UGT2B7: variants seen among roughly 807,000 people sequenced by gnomAD.
UGT2B7 encodes UDP-glucuronosyltransferase 2B7.
Under a neutral mutation model 51.9 loss-of-function variants are expected in UGT2B7, and 51 were observed. That is an observed-to-expected ratio of 0.98 (90% CI 0.78 to 1.24). The LOEUF (loss-of-function observed/expected upper bound fraction) is 1.24. Ranked by LOEUF, UGT2B7 falls within the 50% of genes most tolerant of loss-of-function variation. UGT2B7 has a pLI of 0.00. For synonymous variants in UGT2B7, 225 were observed against 211.6 expected (o/e 1.06, Z -0.55); for missense variants, 727 against 628.4 (o/e 1.16, Z -1.68).
In UGT2B7 at chr4:69,097,148, A is replaced by T. The variant is rs1290815458; in HGVS notation, c.628A>T (p.Arg210Trp). ...AACTGATCAAATGACTTTCATGGAGAGGGTAAAAAATATGATCTATGTGCT... is the reference window on the plus strand; with the variant it reads ...AACTGATCAAATGACTTTCATGGAGTGGGTAAAAAATATGATCTATGTGCT... ...ELTDQMTFME[R>W]VKNMIYVLYF... Residue 210 changes from arginine (R) to tryptophan (W), a missense_variant, in exon 1 of 6, where the codon AGG becomes TGG. By Grantham distance (101) the Arg-to-Trp change is moderately radical (BLOSUM62 -3). Coordinates refer to ENST00000305231, the MANE Select transcript of UGT2B7 (RefSeq NM_001074.4). The T allele has an allele frequency of 6.2e-7, 1 of 1,613,450 alleles. No homozygotes were observed. Among genetic ancestry groups the T allele is most frequent in the Non-Finnish European group, 8.5e-7 (1 of 1,179,634 alleles).
chr4:69,084,330 T>TTCTCTCTCTCTCTCTCTCTCTCTC (rs71204073), intron 1 of UGT2B7, among the ~76,000 whole-genome samples: 1,693 of 148,178 alleles, frequency 0.011, 41 homozygotes, highest in African/African-American at 0.036. Flanking sequence ...TCTATAAATT[T>TTCTCTCTCTCTCTCTCTCTCTCTC]TCTCTCTCTC....
intron 1 of UGT2B7, among the ~76,000 whole-genome samples, chr4:69,079,151 C>T (rs1215426172): frequency 6.6e-6 from 1 of 152,118 alleles, no homozygotes; most frequent in Non-Finnish European, 1.5e-5. Flanking sequence ...GCCCATCTGG[C>T]TAACAGCAGC....
chr4:69,079,748 C>T (rs1012687112), intron 1 of UGT2B7, among the ~76,000 whole-genome samples: 11 of 152,012 alleles, frequency 7.2e-5, no homozygotes, highest in African/African-American at 2.4e-4. Flanking sequence ...CGGATAGGGT[C>T]AAGTTTCTCA....
intron 1 of UGT2B7, among the ~76,000 whole-genome samples, chr4:69,072,322 C>T (rs1718619031): frequency 2.6e-5 from 4 of 152,050 alleles, no homozygotes; most frequent in Admixed American, 2.6e-4. Flanking sequence ...CATTCTTCAT[C>T]CTCATGAAAA....
At chr4:69,067,189 C>T (rs1416616660) in intron 1 of UGT2B7, among the ~76,000 whole-genome samples, 3 of 152,152 alleles carry the variant, frequency 2.0e-5, no homozygotes, top group Admixed American at 1.3e-4. Flanking sequence ...TCTCAAGACA[C>T]ATACCACATC....
chr4:69,073,415 T>C (rs1718640576), intron 1 of UGT2B7, among the ~76,000 whole-genome samples: 1 of 152,196 alleles, frequency 6.6e-6, no homozygotes, highest in Non-Finnish European at 1.5e-5. Context: ...CTATAGATTC[T>C]TCTTGGTATA....
upstream of UGT2B7, chr4:69,096,463 C>T: frequency 6.2e-7 from 1 of 1,606,594 alleles, no homozygotes; most frequent in East Asian, 2.2e-5. Flanking sequence ...TTGGACATAA[C>T]CATGAGAAAT....
chr4:69,057,105 C>T (rs1362944193), intron 1 of UGT2B7, among the ~76,000 whole-genome samples: 4 of 152,194 alleles, frequency 2.6e-5, no homozygotes, highest in Non-Finnish European at 4.4e-5. Context: ...TGTTCTGTTT[C>T]TCTCTGACCA....
At chr4:69,106,479 A>T (rs1331741419) in intron 3 of UGT2B7, among the ~76,000 whole-genome samples, 3 of 151,938 alleles carry the variant, frequency 2.0e-5, no homozygotes, top group African/African-American at 7.3e-5. Flanking sequence ...TATGTACCAT[A>T]TTTTCTCTAT....
Position 69,098,470 on chromosome 4 carries a change from A to T in UGT2B7, c.722-70A>T. The T allele has an allele frequency of 2.6e-6, 4 of 1,559,770 alleles. No homozygotes were observed. The South Asian group carries it at 4.9e-5, about 19-fold the overall frequency. ...CTACATTTTTGCCTACATTATTCTA[A>T]CCCCTTTCAGAAATTTACCTAAAGT... On this transcript the variant is annotated intron_variant, in intron 1 of 5. Coordinates refer to ENST00000305231, the MANE Select transcript of UGT2B7 (RefSeq NM_001074.4).
chr4:69,053,022 C>A (rs12507556), intron 1 of UGT2B7, among the ~76,000 whole-genome samples: 4 of 151,806 alleles, frequency 2.6e-5, no homozygotes, highest in Non-Finnish European at 4.4e-5. Flanking sequence ...AGTTTTTCTG[C>A]GAACTAGACA....
chr4:69,106,396 C>T (rs1719600549), intron 3 of UGT2B7, among the ~76,000 whole-genome samples: 2 of 152,120 alleles, frequency 1.3e-5, no homozygotes, highest in African/African-American at 4.8e-5. Context: ...ATAATGGCCT[C>T]CAGCTCCATC....
At chr4:69,068,204 TC>T (rs1718522739) in intron 1 of UGT2B7, among the ~76,000 whole-genome samples, 1 of 152,128 alleles carries the variant, frequency 6.6e-6, no homozygotes, top group East Asian at 1.9e-4. Context: ...AATCTCTAAT[TC>T]CCATTATATT....
chr4:69,107,217 C>G lies in UGT2B7; in HGVS notation c.1045C>G (p.Leu349Val). Reference protein sequence around the residue: ...FDGNKPDTLGLNTRLYKWIPQ... With the variant: ...FDGNKPDTLGVNTRLYKWIPQ... ...TGGGAATAAACCAGATACCTTAGGT[C>G]TCAATACTCGGCTCTACAAGTGGAT... Residue 349 changes from leucine (L) to valine (V), a missense_variant, in exon 4 of 6, where the codon CTC (leucine) becomes GTC (valine). By Grantham distance (32) the Leu-to-Val change is conservative. Transcript: ENST00000305231. The G allele has an allele frequency of 6.2e-7, 1 of 1,609,810 alleles. No homozygotes were observed. Among genetic ancestry groups the G allele is most frequent in the East Asian group, 2.2e-5 (1 of 44,726 alleles).
chr4:69,072,863 A>T (rs1718629783), intron 1 of UGT2B7, among the ~76,000 whole-genome samples: 1 of 152,110 alleles, frequency 6.6e-6, no homozygotes, highest in African/African-American at 2.4e-5. Flanking sequence ...TAAAATTTCA[A>T]TTTTTTCATT....
intron 1 of UGT2B7, among the ~76,000 whole-genome samples, chr4:69,060,490 A>G (rs1027860196): frequency 1.3e-5 from 2 of 152,198 alleles, no homozygotes; most frequent in South Asian, 2.1e-4. Flanking sequence ...CTTTAAGGAA[A>G]TCAAAGAAGC....
In UGT2B7 at chr4:69,096,960, T is replaced by G. The variant is rs1347945999; in HGVS notation, c.440T>G (p.Val147Gly). ...AAAGTACAAGAGTCAAGATTTGACG[T>G]CATTTTTGCAGATGCTATTTTTCCC... is the stretch of plus-strand genomic sequence containing the variant. ...MKKVQESRFD[V>G]IFADAIFPCS... Residue 147 changes from valine to glycine, a missense_variant, in exon 1 of 6, where the codon GTC becomes GGC. Coordinates refer to ENST00000305231, the MANE Select transcript of UGT2B7 (RefSeq NM_001074.4). 4.3e-6 allele frequency: 7 copies of G among 1,613,600 alleles called. No homozygotes were observed. The highest frequency in any genetic ancestry group is 1.7e-4 in the Middle Eastern group (1 of 6,060).
upstream of UGT2B7, among the ~76,000 whole-genome samples, chr4:69,093,390 C>T (rs1719132511): frequency 6.6e-6 from 1 of 152,156 alleles, no homozygotes; most frequent in Non-Finnish European, 1.5e-5. Flanking sequence ...CAGGGAGGCC[C>T]AACACTGCTA....
chr4:69,076,447 G>A (rs1392862955), intron 1 of UGT2B7, among the ~76,000 whole-genome samples: 4 of 152,132 alleles, frequency 2.6e-5, no homozygotes, highest in Non-Finnish European at 5.9e-5. Flanking sequence ...AACATCAGTT[G>A]TTTTGTGACT....
Sources: gnomAD v4.1 joint callset for allele counts (sites outside exome capture counted in the v4.1 genomes callset) on GRCh38, gnomAD v4.1.1 for gene constraint, MANE v1.5 for transcripts, NCBI Gene and HGNC (gene_info 2026-07-23, HGNC 2026-07-21) for gene names.